NID2: variants seen among roughly 807,000 people sequenced by gnomAD.
NID2 encodes nidogen-2.
NID2 carries 83 observed loss-of-function variants against 145.4 expected under a neutral mutation model. The observed-to-expected ratio is 0.57, with a 90% CI of 0.48 to 0.69. NID2 has a LOEUF of 0.69. Among genes scored for constraint, NID2 ranks in the 30% least tolerant of loss-of-function variants. The probability of loss-of-function intolerance (pLI) is 0.00; values close to 1 mark genes in which losing one functional copy is unlikely to be tolerated. For missense variants in NID2, 1,807 were observed against 1,765.7 expected (o/e 1.02, Z -0.42); for synonymous variants, 739 against 701.3 (o/e 1.05, Z -0.85).
intron 19 of NID2, chr14:52,007,011 A>G (rs2029984): frequency 0.19 from 31,452 of 165,350 alleles, 3,422 homozygotes; most frequent in Non-Finnish European, 0.24. Context: ...AGCTATGTCT[A>G]TAATTACTGA....
At chr14:52,043,742 G>A (rs8012553) in intron 5 of NID2, among the ~76,000 whole-genome samples, 6,791 of 152,248 alleles carry the variant, frequency 0.045, 220 homozygotes, top group South Asian at 0.1. Flanking sequence ...TGGGGAAACT[G>A]GAGCAAATGC....
At position 52,033,689 on chromosome 14, in the gene NID2, A is replaced by G. The variant is rs564834649; in HGVS notation, c.2258-3999T>C. 6.6e-5 allele frequency among the ~76,000 whole-genome samples: 10 copies of G among 152,272 alleles called. No individual in the cohort carries two copies. In the South Asian group the frequency reaches 2.1e-3, roughly 32 times the overall value. ...CTGTGTACCAAGAGGGGAAAGAAAA[A>G]ACTTTTGGGTGTTTCTTTTTTGTTT... On this transcript the variant is annotated intron_variant, in intron 9 of 21. Coordinates refer to ENST00000216286, the MANE Select transcript of NID2 (RefSeq NM_007361.4).
rs564992189 is a variant in NID2 at position 52,011,807 on chromosome 14, A to C, written c.3421-124T>G. On this transcript the variant is annotated intron_variant, in intron 16 of 21. Transcript: ENST00000216286. ...TGCACTGTGATCCTGCAGGCAACAG[A>C]GCAGAGTAGCTGGACATGTGGGCAC... 7.1e-5 allele frequency: 83 copies of C among 1,177,304 alleles called. 1 individual carries two copies. In the South Asian group the frequency reaches 1.1e-3, roughly 16 times the overall value. The allele number at this position is 1,177,304 out of a possible 1,614,324, so 72.9% of individuals were successfully genotyped here.
At chr14:52,020,854 G>A (rs568373918) in intron 12 of NID2, among the ~76,000 whole-genome samples, 5 of 152,116 alleles carry the variant, frequency 3.3e-5, no homozygotes, top group African/African-American at 9.6e-5. Flanking sequence ...AAACAATTCA[G>A]GCCCCTACAC....
rs1393482788 is a variant in NID2, at chr14:52,040,859, T to C, written c.1826-8A>G. 8.1e-6 allele frequency: 13 copies of C among 1,613,806 alleles called. No individual in the cohort carries two copies. Among genetic ancestry groups the C allele is most frequent in the Non-Finnish European group, 1.0e-5 (12 of 1,179,680 alleles). On this transcript the variant is annotated splice_polypyrimidine_tract_variant and splice_region_variant and intron_variant, in intron 7 of 21. Coordinates refer to ENST00000216286, the MANE Select transcript of NID2 (RefSeq NM_007361.4). ...CATGGGTAAAGGCAGCACCTGGAGA[T>C]GAAAAACATTCAGCACAGGGATGAA...
chr14:52,033,695 T>C lies in NID2; in HGVS notation c.2258-4005A>G, dbSNP rs533475040. Among the ~76,000 whole-genome samples, 4 of 152,394 alleles carry C rather than the reference T, an allele frequency of 2.6e-5. No homozygotes were observed. In the East Asian group the frequency reaches 7.7e-4, roughly 29 times the overall value. On this transcript the variant is annotated intron_variant, in intron 9 of 21. Transcript: ENST00000216286. The stretch of plus-strand genomic sequence containing the variant: ...ACCAAGAGGGGAAAGAAAAAACTTT[T>C]GGGTGTTTCTTTTTTGTTTTTCTTT...
intron 5 of NID2, among the ~76,000 whole-genome samples, chr14:52,053,342 C>T (rs1436006865): frequency 6.6e-6 from 1 of 152,174 alleles, no homozygotes; most frequent in African/African-American, 2.4e-5. Flanking sequence ...CTTCATGAGG[C>T]CCATATTTTA....
intron 3 of NID2, among the ~76,000 whole-genome samples, chr14:52,055,531 T>C (rs1170020858): frequency 6.6e-6 from 1 of 152,158 alleles, no homozygotes; most frequent in Non-Finnish European, 1.5e-5. Context: ...GCTCTCTCGT[T>C]TTCTCCATGA....
chr14:52,048,364 G>A (rs746089274), intron 5 of NID2, among the ~76,000 whole-genome samples: 8 of 152,186 alleles, frequency 5.3e-5, no homozygotes, highest in Non-Finnish European at 1.0e-4. Context: ...TATCCAGGGC[G>A]AGAAAAGCCA....
intron 8 of NID2, among the ~76,000 whole-genome samples, chr14:52,040,238 GCC>G (rs774331609): frequency 2.0e-5 from 3 of 147,478 alleles, no homozygotes. Context: ...ATTGCACCTG[GCC>G]TCTTTCTGTG....
chr14:52,037,352 G>A (rs576356872), intron 9 of NID2, among the ~76,000 whole-genome samples: 1 of 146,268 alleles, frequency 6.8e-6, no homozygotes, highest in East Asian at 1.9e-4. Context: ...GTGCAGGTTT[G>A]TTACATATGT....
At chr14:52,053,455 A>G in intron 5 of NID2, 124 bp downstream of exon 5, 1 of 1,080,754 alleles carries the variant, frequency 9.3e-7, no homozygotes, top group South Asian at 1.6e-5. Flanking sequence ...AGGGATTAAA[A>G]ATTAGATCCA....
chr14:52,034,614 T>A (rs928120092), intron 9 of NID2, among the ~76,000 whole-genome samples: 2 of 152,076 alleles, frequency 1.3e-5, no homozygotes, highest in African/African-American at 4.8e-5. Context: ...TAGAAAAGAG[T>A]CTAGTCCTTG....
At chr14:52,016,500 G>A (rs1891216971) in intron 14 of NID2, among the ~76,000 whole-genome samples, 1 of 152,004 alleles carries the variant, frequency 6.6e-6, no homozygotes, top group African/African-American at 2.4e-5. Context: ...AATTATCCTT[G>A]ACCCTCCTTT....
At chr14:52,008,083 C>T (rs1890862203) in intron 18 of NID2, 116 bp from the exon 19 acceptor site, 1 of 805,364 alleles carries the variant, frequency 1.2e-6, no homozygotes, top group African/African-American at 1.8e-5. Flanking sequence ...AAGCAATCCC[C>T]TTGAGTTTGG....
chr14:52,054,118 T>A lies in NID2; in HGVS notation c.971A>T (p.Glu324Val). Residue 324 changes from glutamate (E) to valine (V), a missense_variant, in exon 4 of 22, where the codon GAA becomes GTA. By Grantham distance (121) the Glu-to-Val change is moderately radical. Coordinates refer to ENST00000216286, the MANE Select transcript of NID2 (RefSeq NM_007361.4). Reference protein sequence around the residue: ...NLDYYDVNEEEAEYLPGEPEE... With the variant: ...NLDYYDVNEEVAEYLPGEPEE... ...TGGTTCACCCGGAAGGTATTCAGCTTCCTCCTCATTCACATCATAGTAATC... is the reference window on the plus strand; with the variant it reads ...TGGTTCACCCGGAAGGTATTCAGCTACCTCCTCATTCACATCATAGTAATC... 1 of 1,614,144 alleles carries A rather than the reference T, an allele frequency of 6.2e-7. No individual in the cohort carries two copies. Among genetic ancestry groups the A allele is most frequent in the African/African-American group, 1.3e-5 (1 of 75,010 alleles).
chr14:52,022,944 C>T (rs772444257), intron 12 of NID2, among the ~76,000 whole-genome samples: 6 of 152,166 alleles, frequency 3.9e-5, no homozygotes, highest in Non-Finnish European at 8.8e-5. Context: ...ACAGGTCCCA[C>T]TCTCTCTCTA....
rs2140431150 is a variant in NID2 at position 52,060,363 on chromosome 14, GGAAA to G, written c.535-11_535-8del. 4.8e-6 allele frequency: 5 copies of G among 1,032,084 alleles called. No individual in the cohort carries two copies. The highest frequency in any genetic ancestry group is 6.3e-6 in the Non-Finnish European group (5 of 794,846). 63.9% of individuals were successfully genotyped at this position (1,032,084 alleles called of 1,614,324 possible). ...CTGCCTGGAAAGTGTTCAGCTGTGA[GGAAA>G]AAAAAAAAAAAAGAGAGAGAGAGAG... On this transcript the variant is annotated splice_region_variant and splice_polypyrimidine_tract_variant and intron_variant, in intron 2 of 21. Coordinates refer to ENST00000216286, the MANE Select transcript of NID2 (RefSeq NM_007361.4).
Position 52,028,554 on chromosome 14 carries a change from G to A in NID2, c.2530+168C>T, listed in dbSNP as rs748280154. Reference sequence around the variant, plus strand: ...GCCTTCCAAAGCGATGATTACAGGCGTGAGCCACCACATCCAGCCAGCTTT... The same window carrying A: ...GCCTTCCAAAGCGATGATTACAGGCATGAGCCACCACATCCAGCCAGCTTT... On this transcript the variant is annotated intron_variant, in intron 11 of 21. Coordinates refer to ENST00000216286, the MANE Select transcript of NID2 (RefSeq NM_007361.4). The A allele has an allele frequency of 8.2e-4, 572 of 696,880 alleles. 1 individual carries two copies. The highest frequency in any genetic ancestry group is 6.8e-4 in the Non-Finnish European group (309 of 452,214). 43.2% of individuals were successfully genotyped at this position (696,880 alleles called of 1,614,324 possible). A position where few individuals can be genotyped will look rare whatever the true frequency, so the allele number is the denominator to read the frequency against.
Sources: allele counts gnomAD v4.1 joint callset (sites outside exome capture counted in the v4.1 genomes callset), GRCh38; gene constraint gnomAD v4.1.1; transcripts MANE v1.5; gene names NCBI Gene and HGNC (gene_info 2026-07-23, HGNC 2026-07-21).